RALA: variants seen among roughly 807,000 people sequenced by gnomAD.
The protein encoded by RALA is ras-related protein Ral-A.
A neutral mutation model predicts 24.0 loss-of-function variants in RALA; 5 were observed. The ratio of observed to expected loss-of-function variants is 0.21; its 90% CI spans 0.11 to 0.44. RALA has a LOEUF of 0.44. Among genes scored for constraint, RALA ranks in the 20% least tolerant of loss-of-function variants. The pLI is 0.99. For missense variants in RALA, 95 were observed against 241.2 expected (o/e 0.39, Z 4.01); for synonymous variants, 77 against 83.8 (o/e 0.92, Z 0.44).
At chr7:39,653,580 G>GTTGTAA (rs1474552414) in intron 1 of RALA, among the ~76,000 whole-genome samples, 2 of 152,180 alleles carry the variant, frequency 1.3e-5, no homozygotes, top group South Asian at 4.1e-4. Flanking sequence ...CTCCTACCTA[G>GTTGTAA]TTGTAATAAT....
At chr7:39,681,658 G>A (rs1461913223) in intron 1 of RALA, among the ~76,000 whole-genome samples, 1 of 151,996 alleles carries the variant, frequency 6.6e-6, no homozygotes, top group Non-Finnish European at 1.5e-5. Flanking sequence ...AGCCTGTTGA[G>A]TTGTTTCAGG....
chr7:39,660,422 T>C (rs1438381221), intron 1 of RALA, among the ~76,000 whole-genome samples: 1 of 152,172 alleles, frequency 6.6e-6, no homozygotes, highest in African/African-American at 2.4e-5. Flanking sequence ...AGAGGCAGTC[T>C]CTAGTGCTTA....
At chr7:39,635,481 A>G (rs977454785) in intron 1 of RALA, among the ~76,000 whole-genome samples, 1 of 152,112 alleles carries the variant, frequency 6.6e-6, no homozygotes, top group East Asian at 1.9e-4. Flanking sequence ...AGAAAGCCAT[A>G]CTCATTAGTC....
At chr7:39,628,217 C>G (rs1791528210) in intron 1 of RALA, among the ~76,000 whole-genome samples, 1 of 151,970 alleles carries the variant, frequency 6.6e-6, no homozygotes. Flanking sequence ...TGGATCCCAT[C>G]CCTCAAAAAA....
At chr7:39,671,793 C>G (rs548014602) in intron 1 of RALA, among the ~76,000 whole-genome samples, 7 of 152,210 alleles carry the variant, frequency 4.6e-5, no homozygotes, top group Non-Finnish European at 1.0e-4. Context: ...ATTTTGTGTT[C>G]TTCTTATTCA....
At position 39,669,588 on chromosome 7, in the gene RALA, G is replaced by A. The variant is rs566418363; in HGVS notation, c.-37-17043G>A. On this transcript the variant is annotated intron_variant, in intron 1 of 4. Coordinates refer to ENST00000005257, the MANE Select transcript of RALA (RefSeq NM_005402.4). ...GCACTTTGGGAAGCCAAGGTGAGAA[G>A]TTCACTTGAGGCCAGGAGTTCAAGA... Among the ~76,000 whole-genome samples the A allele has an allele frequency of 1.4e-4, 22 of 152,192 alleles. 1 individual carries two copies. The highest frequency in any genetic ancestry group is 5.1e-4 in the African/African-American group (21 of 41,536).
intron 1 of RALA, among the ~76,000 whole-genome samples, chr7:39,658,072 T>C (rs1792124878): frequency 1.3e-5 from 2 of 152,218 alleles, no homozygotes; most frequent in Non-Finnish European, 2.9e-5. Flanking sequence ...TAAGACATGT[T>C]GGAAATGACT....
At chr7:39,696,089 G>GC (rs996303006) in intron 3 of RALA, among the ~76,000 whole-genome samples, 5 of 152,212 alleles carry the variant, frequency 3.3e-5, no homozygotes, top group African/African-American at 1.2e-4. Context: ...ACTAGGAAGA[G>GC]CAGAACCATG....
intron 1 of RALA, among the ~76,000 whole-genome samples, chr7:39,650,998 C>G (rs1191322978): frequency 6.6e-6 from 1 of 152,194 alleles, no homozygotes; most frequent in Non-Finnish European, 1.5e-5. Context: ...AAGCCTCAGC[C>G]TTTTATATCC....
In RALA at chr7:39,699,728, A is replaced by G. The variant is rs115949747; in HGVS notation, c.498+2869A>G. Among the ~76,000 whole-genome samples the G allele has an allele frequency of 4.9e-3, 747 of 152,354 alleles. 8 individuals carry two copies. Among genetic ancestry groups the G allele is most frequent in the African/African-American group, 0.017 (696 of 41,568 alleles). Reference sequence around the variant, plus strand: ...AAACACACATACATACACATTATCTATGTACACATCATAAGGATATGTAAG... The same window carrying G: ...AAACACACATACATACACATTATCTGTGTACACATCATAAGGATATGTAAG... On this transcript the variant is annotated intron_variant, in intron 4 of 4. Coordinates refer to ENST00000005257, the MANE Select transcript of RALA (RefSeq NM_005402.4).
intron 3 of RALA, among the ~76,000 whole-genome samples, chr7:39,690,803 C>T (rs1342488132): frequency 1.3e-5 from 2 of 152,182 alleles, no homozygotes; most frequent in Non-Finnish European, 2.9e-5. Context: ...CTCCCGGTGT[C>T]ACCTGTATTG....
rs1583756910 is a variant in RALA at position 39,695,609 on chromosome 7, G to T, written c.324-1076G>T. On this transcript the variant is annotated intron_variant, in intron 3 of 4. Coordinates refer to ENST00000005257, the MANE Select transcript of RALA (RefSeq NM_005402.4). ...ATAGATATGGGGGTCTCACTGTGTT[G>T]CCTGGGCTGGTATTGAACTCCTAGC... 2.0e-5 allele frequency among the ~76,000 whole-genome samples: 3 copies of T among 152,038 alleles called. No homozygotes were observed. The South Asian group carries it at 6.3e-4, about 32-fold the overall frequency.
chr7:39,624,819 G>A (rs1214141886), intron 1 of RALA, among the ~76,000 whole-genome samples: 1 of 152,196 alleles, frequency 6.6e-6, no homozygotes, highest in Non-Finnish European at 1.5e-5. Flanking sequence ...TTTCCAGAAA[G>A]TAAATTGCAA....
At chr7:39,625,548 TC>T (rs1297796836) in intron 1 of RALA, among the ~76,000 whole-genome samples, 1 of 152,228 alleles carries the variant, frequency 6.6e-6, no homozygotes, top group Admixed American at 6.5e-5. Context: ...TCCTCTGAAA[TC>T]CTGATGTGAC....
intron 1 of RALA, among the ~76,000 whole-genome samples, chr7:39,686,356 A>G (rs1011641465): frequency 6.6e-6 from 1 of 152,208 alleles, no homozygotes; most frequent in Admixed American, 6.5e-5. Context: ...ATGCAGTTGT[A>G]CTGGGAAATT....
chr7:39,697,197 G>A (rs3779203), intron 4 of RALA, among the ~76,000 whole-genome samples: 9,420 of 152,026 alleles, frequency 0.062, 383 homozygotes, highest in Non-Finnish European at 0.087. Context: ...GCACTAAACC[G>A]TTCTTACCTC....
chr7:39,637,797 A>G (rs558901938), intron 1 of RALA, among the ~76,000 whole-genome samples: 4 of 152,322 alleles, frequency 2.6e-5, no homozygotes, highest in South Asian at 4.1e-4. Flanking sequence ...CCCTACACCT[A>G]TATTCACCAA....
At chr7:39,685,769 AT>A (rs1792688573) in intron 1 of RALA, among the ~76,000 whole-genome samples, 1 of 152,098 alleles carries the variant, frequency 6.6e-6, no homozygotes, top group Non-Finnish European at 1.5e-5. Context: ...TCTGTTTATA[AT>A]TCTACCACCA....
chr7:39,665,253 G>A (rs188995575), intron 1 of RALA, among the ~76,000 whole-genome samples: 12 of 152,144 alleles, frequency 7.9e-5, no homozygotes, highest in Admixed American at 5.2e-4. Flanking sequence ...TGATGAGAAT[G>A]AAGACCTTTA....
Sources: allele counts gnomAD v4.1 joint callset (sites outside exome capture counted in the v4.1 genomes callset), GRCh38; gene constraint gnomAD v4.1.1; transcripts MANE v1.5; gene names NCBI Gene and HGNC (gene_info 2026-07-23, HGNC 2026-07-21).